Variants in ANO1 observed in about 807,000 individuals in gnomAD.
The protein encoded by ANO1 is anoctamin 1, also known as anoctamin-1.
Under a neutral mutation model 124.0 loss-of-function variants are expected in ANO1, and 59 were observed. The ratio of observed to expected loss-of-function variants is 0.48; its 90% CI spans 0.39 to 0.59. The LOEUF (loss-of-function observed/expected upper bound fraction) is 0.59. Among genes scored for constraint, ANO1 ranks in the 20% least tolerant of loss-of-function variants. The probability of loss-of-function intolerance (pLI) is 0.00; values close to 1 mark genes in which losing one functional copy is unlikely to be tolerated. For missense variants in ANO1, 1,059 were observed against 1,328.0 expected (o/e 0.80, Z 3.15); for synonymous variants, 529 against 532.0 (o/e 0.99, Z 0.08).
chr11:69,968,822 T>C, the ANO1 span, among the ~76,000 whole-genome samples: 2 of 152,202 alleles, frequency 1.3e-5, no homozygotes. Context: ...GGAATGGTAC[T>C]CTTATGCCAA....
chr11:70,126,044 C>G lies in ANO1; in HGVS notation c.963-17C>G. ...GAATGACAGTGGGCTTGACTCTGCTCTGCTCCCCTGGTGTAGGAAGTATTT... is the reference window on the plus strand; with the variant it reads ...GAATGACAGTGGGCTTGACTCTGCTGTGCTCCCCTGGTGTAGGAAGTATTT... On this transcript the variant is annotated splice_polypyrimidine_tract_variant and intron_variant, in intron 9 of 25. Transcript: ENST00000355303. The G allele has an allele frequency of 6.2e-7, 1 of 1,601,088 alleles. No homozygotes were observed. The highest frequency in any genetic ancestry group is 8.5e-7 in the Non-Finnish European group (1 of 1,172,904).
rs117420892 is a variant in ANO1, at chr11:70,019,081, G to T, written c.58+32915G>T. On this transcript the variant is annotated intron_variant, in intron 1 of 27. Coordinates refer to the ANO1 transcript ENST00000531349. Reference sequence around the variant, plus strand: ...TGGGTGCCAGGGAGGGCTTCTTGGAGGAGGTGCCCCATTCATTCATTTATT... The same window carrying T: ...TGGGTGCCAGGGAGGGCTTCTTGGATGAGGTGCCCCATTCATTCATTTATT... Among the ~76,000 whole-genome samples the T allele has an allele frequency of 3.5e-4, 53 of 152,354 alleles. 1 individual carries two copies. The East Asian group carries it at 9.5e-3, about 27-fold the overall frequency.
intron 23 of ANO1, among the ~76,000 whole-genome samples, chr11:70,181,391 T>C (rs1273132898): frequency 2.6e-5 from 4 of 152,112 alleles, no homozygotes; most frequent in Non-Finnish European, 5.9e-5. Flanking sequence ...CCTTTCCCGG[T>C]GGGCAACGCT....
At chr11:70,177,275 G>A (rs568003202) in intron 22 of ANO1, among the ~76,000 whole-genome samples, 1 of 152,248 alleles carries the variant, frequency 6.6e-6, no homozygotes, top group Non-Finnish European at 1.5e-5. Context: ...CAAACTCAGC[G>A]CCCCAAGGGC....
chr11:70,039,138 ATACTTC>A (rs1555004771), intron 1 of ANO1, among the ~76,000 whole-genome samples: 1 of 152,202 alleles, frequency 6.6e-6, no homozygotes, highest in Non-Finnish European at 1.5e-5. Flanking sequence ...AACATGGGGA[ATACTTC>A]TAGTAAGTCT....
chr11:70,070,979 G>C (rs1297743988), intron 1 of ANO1, among the ~76,000 whole-genome samples: 3 of 152,126 alleles, frequency 2.0e-5, no homozygotes, highest in Non-Finnish European at 4.4e-5. Context: ...CAACCGCATC[G>C]CTTCCACTTG....
chr11:70,016,084 G>C (rs1856698293), intron 1 of ANO1, among the ~76,000 whole-genome samples: 1 of 151,232 alleles, frequency 6.6e-6, no homozygotes. Context: ...CTGGAGTGCA[G>C]TGGTGCAATC....
intron 1 of ANO1, among the ~76,000 whole-genome samples, chr11:70,002,670 C>A (rs1856408333): frequency 6.6e-6 from 1 of 152,106 alleles, no homozygotes; most frequent in African/African-American, 2.4e-5. Context: ...TTCTCAGAGT[C>A]CCTGTGGTTA....
At chr11:70,013,828 A>AGAAAAGAAAAGAAAAGAAAAG (rs1856647965) in intron 1 of ANO1, among the ~76,000 whole-genome samples, 16 of 151,796 alleles carry the variant, frequency 1.1e-4, no homozygotes, top group African/African-American at 1.4e-4. Context: ...AGAAAAGAAA[A>AGAAAAGAAAAGAAAAGAAAAG]AGTGTCACTG....
At chr11:70,017,058 C>T (rs1856715431) in intron 1 of ANO1, among the ~76,000 whole-genome samples, 2 of 152,232 alleles carry the variant, frequency 1.3e-5, no homozygotes, top group Admixed American at 6.5e-5. Context: ...GGGCTCACTG[C>T]CCACTTCCTT....
At chr11:70,051,178 C>T (rs1182162576) in intron 1 of ANO1, among the ~76,000 whole-genome samples, 2 of 152,088 alleles carry the variant, frequency 1.3e-5, no homozygotes, top group Non-Finnish European at 2.9e-5. Context: ...GCCCACCCAC[C>T]CCCAGTCATT....
At chr11:70,022,858 G>A (rs1228629803) in intron 1 of ANO1, among the ~76,000 whole-genome samples, 1 of 152,188 alleles carries the variant, frequency 6.6e-6, no homozygotes, top group Non-Finnish European at 1.5e-5. Context: ...GATAGCCCCA[G>A]ACTATCTGGT....
At chr11:70,007,563 A>G (rs1332423722) in intron 1 of ANO1, among the ~76,000 whole-genome samples, 1 of 152,166 alleles carries the variant, frequency 6.6e-6, no homozygotes, top group African/African-American at 2.4e-5. Flanking sequence ...TACAGGCGTG[A>G]GCCACCGCGC....
At chr11:70,131,774 C>A (rs2046768064) in intron 10 of ANO1, 145 bp from the exon 11 acceptor site, 3 of 959,554 alleles carry the variant, frequency 3.1e-6, no homozygotes, top group Non-Finnish European at 4.6e-6. Flanking sequence ...AAGCACCCGG[C>A]TTATGTCCAC....
intron 1 of ANO1, among the ~76,000 whole-genome samples, chr11:70,011,212 C>A (rs4980576): frequency 1.3e-5 from 2 of 152,006 alleles, no homozygotes; most frequent in Admixed American, 6.5e-5. Context: ...GGCCTGGGGT[C>A]GGGGAGTGGA....
In ANO1 at chr11:70,103,983, C is replaced by G. The variant is rs181369287; in HGVS notation, c.541-16C>G. ...GCAGGGTGACGCAGCTCCCCGGTCC[C>G]TTGTCTTATCTGCAGATGTACCACA... On this transcript the variant is annotated splice_polypyrimidine_tract_variant and intron_variant, in intron 3 of 25. Transcript: ENST00000355303. 1.0e-4 allele frequency: 163 copies of G among 1,609,630 alleles called. 1 individual carries two copies. The Admixed American group carries it at 2.7e-3, about 26-fold the overall frequency.
At chr11:70,110,998 C>T in intron 6 of ANO1, 1 of 379,246 alleles carries the variant, frequency 2.6e-6, no homozygotes, top group Admixed American at 3.3e-5. Context: ...GCCAGCATTC[C>T]ACTGCCTCCA....
chr11:70,011,789 G>A (rs1439033875), intron 1 of ANO1, among the ~76,000 whole-genome samples: 17 of 152,276 alleles, frequency 1.1e-4, no homozygotes, highest in African/African-American at 1.9e-4. Context: ...CAGCATCCAC[G>A]CACCTCAAAG....
chr11:70,078,711 C>T lies in ANO1; in HGVS notation c.105C>T (p.Gly35=), dbSNP rs2044105601. ...IEDIGYLPSE[G]TLLNSLSVDP... is the part of the protein sequence containing the mutation. ...ACATCGGCTACCTGCCGTCCGAGGG[C>T]ACGGTGAGTGCGGGCGGCCGCGACC... is the stretch of plus-strand genomic sequence containing the variant. Residue 35 remains glycine, a synonymous_variant, in exon 1 of 26, where the codon GGC becomes GGT. Transcript: ENST00000355303. The T allele has an allele frequency of 3.4e-6, 5 of 1,480,394 alleles. No individual in the cohort carries two copies. Among genetic ancestry groups the T allele is most frequent in the South Asian group, 1.2e-5 (1 of 84,074 alleles). 91.7% of individuals were successfully genotyped at this position (1,480,394 alleles called of 1,614,324 possible).
Sources: gnomAD v4.1 joint callset for allele counts (sites outside exome capture counted in the v4.1 genomes callset) on GRCh38, gnomAD v4.1.1 for gene constraint, MANE v1.5 for transcripts, NCBI Gene and HGNC (gene_info 2026-07-23, HGNC 2026-07-21) for gene names.